PTPRC: variants seen among roughly 807,000 people sequenced by gnomAD.
PTPRC encodes the protein receptor-type tyrosine-protein phosphatase C.
A neutral mutation model predicts 155.9 loss-of-function variants in PTPRC; 44 were observed. The ratio of observed to expected loss-of-function variants is 0.28; its 90% confidence interval spans 0.22 to 0.36. PTPRC has a LOEUF of 0.36. Among genes scored for constraint, PTPRC ranks in the 10% least tolerant of loss-of-function variants. PTPRC has a pLI of 1.00. For synonymous variants in PTPRC, 525 were observed against 533.1 expected (o/e 0.98, Z 0.21); for missense variants, 1,401 against 1,564.6 (o/e 0.90, Z 1.76).
At chr1:198,672,026 C>T (rs1056878613) in intron 2 of PTPRC, among the ~76,000 whole-genome samples, 1 of 152,186 alleles carries the variant, frequency 6.6e-6, no homozygotes, top group African/African-American at 2.4e-5. Flanking sequence ...GCAGTTCATG[C>T]CTTTCCATAT....
chr1:198,714,604 C>T (rs1395881383), intron 12 of PTPRC, among the ~76,000 whole-genome samples: 1 of 152,198 alleles, frequency 6.6e-6, no homozygotes, highest in Non-Finnish European at 1.5e-5. Context: ...TGCCCTGACA[C>T]TGCATAAAGG....
chr1:198,703,154 T>G (rs1666545382), intron 6 of PTPRC, 144 bp from the exon 7 acceptor site: 1 of 1,099,410 alleles, frequency 9.1e-7, no homozygotes, highest in African/African-American at 1.6e-5. Flanking sequence ...ACTTTATTAT[T>G]TTAAAAACAA....
In PTPRC at chr1:198,756,129, C is replaced by T; in HGVS notation, c.3869C>T (p.Pro1290Leu). Residue 1290 changes from proline (P) to leucine (L), a missense_variant, in exon 33 of 33, where the codon CCA (proline) becomes CTA (leucine). Physicochemically the swap from Pro to Leu is moderately conservative, Grantham distance 98. Transcript: ENST00000442510. ...GAACCCACGAGTGGCACTGAGGGGC[C>T]AGAACATTCTGTCAATGGTCCTGCA... ...GSEPTSGTEG[P>L]EHSVNGPASP... 6.2e-7 allele frequency: 1 copy of T among 1,613,292 alleles called. No homozygotes were observed. Among genetic ancestry groups the T allele is most frequent in the Admixed American group, 1.7e-5 (1 of 59,874 alleles).
intron 2 of PTPRC, among the ~76,000 whole-genome samples, chr1:198,649,301 A>G (rs1392080561): frequency 6.6e-6 from 1 of 151,880 alleles, no homozygotes; most frequent in East Asian, 1.9e-4. Context: ...TCTACTTTCC[A>G]ATGACCCATG....
At chr1:198,651,644 A>G (rs553096034) in intron 2 of PTPRC, among the ~76,000 whole-genome samples, 3 of 151,954 alleles carry the variant, frequency 2.0e-5, no homozygotes, top group Admixed American at 1.3e-4. Context: ...TTAACATTTT[A>G]TAAATGTTAT....
chr1:198,679,938 G>T, intron 2 of PTPRC: 1 of 614,700 alleles, frequency 1.6e-6, no homozygotes, highest in African/African-American at 1.9e-5. Context: ...TGCCCAGCTC[G>T]TCCACCGTCG....
upstream of PTPRC, chr1:198,638,965 C>T (rs1044681901): frequency 5.5e-6 from 2 of 366,794 alleles, no homozygotes; most frequent in Non-Finnish European, 1.0e-5. Context: ...ATTCTACTGA[C>T]TTAGAACAAC....
rs572926318 is a variant in PTPRC, at chr1:198,686,808, A to G, written c.74-5539A>G. ...AGATCTATTTGACTCCACTAAGAAT[A>G]TATTGTTGCTTTTAAGTAATACAGG... On this transcript the variant is annotated intron_variant, in intron 2 of 32. Transcript: ENST00000442510. 2.0e-5 allele frequency among the ~76,000 whole-genome samples: 3 copies of G among 152,338 alleles called. No individual in the cohort carries two copies. In the South Asian group the frequency reaches 6.2e-4, roughly 32 times the overall value.
At chr1:198,641,824 C>G (rs1015711389) in intron 2 of PTPRC, among the ~76,000 whole-genome samples, 5 of 151,936 alleles carry the variant, frequency 3.3e-5, no homozygotes, top group South Asian at 2.1e-4. Context: ...TGAGTCATAA[C>G]AGTTAAGACT....
At position 198,732,490 on chromosome 1, in the gene PTPRC, C is replaced by A; in HGVS notation, c.2076C>A (p.Asn692Lys). 1 of 1,610,692 alleles carries A rather than the reference C, an allele frequency of 6.2e-7. No homozygotes were observed. The highest frequency in any genetic ancestry group is 8.5e-7 in the Non-Finnish European group (1 of 1,177,876). ...CTTTTCCTTAAACAGATGATTATAA[C>A]CGTGTTGAACTCTCTGAGATAAACG... ...RYVDILPYDY[N>K]RVELSEINGD... The change falls in exon 20 of 33, where the codon AAC becomes AAA. Residue 692 changes from asparagine (N) to lysine (K), a missense_variant. Physicochemically the swap from Asn to Lys is moderately conservative, Grantham distance 94. Around this residue, in one of 3 missense-constraint regions of PTPRC, gnomAD observed 867 missense variants for 970.4 expected, o/e 0.89. Coordinates refer to ENST00000442510, the MANE Select transcript of PTPRC (RefSeq NM_002838.5).
chr1:198,716,657 A>C, intron 12 of PTPRC, 25 bp from the exon 13 acceptor site: 1 of 1,605,858 alleles, frequency 6.2e-7, no homozygotes, highest in Non-Finnish European at 8.5e-7. Flanking sequence ...ACGACTTACT[A>C]ATTTTTTTTC....
intron 2 of PTPRC, among the ~76,000 whole-genome samples, chr1:198,646,776 C>T (rs1020253946): frequency 3.3e-5 from 5 of 151,828 alleles, no homozygotes; most frequent in African/African-American, 9.7e-5. Flanking sequence ...CTCTTATTAG[C>T]TTTCACACTT....
intron 2 of PTPRC, among the ~76,000 whole-genome samples, chr1:198,668,631 A>C (rs1306995189): frequency 1.3e-5 from 2 of 152,224 alleles, no homozygotes; most frequent in Non-Finnish European, 2.9e-5. Context: ...GTAAATATAA[A>C]ATGGTGCTGA....
In PTPRC at chr1:198,756,679, A is replaced by G. The variant is rs1381787375; in HGVS notation, c.*498A>G. 1 of 162,210 alleles carries G rather than the reference A, an allele frequency of 6.2e-6. No individual in the cohort carries two copies. Among genetic ancestry groups the G allele is most frequent in the African/African-American group, 2.4e-5 (1 of 41,446 alleles). 10.0% of individuals were successfully genotyped at this position (162,210 alleles called of 1,614,324 possible). A position where few individuals can be genotyped will look rare whatever the true frequency, so the allele number is the denominator to read the frequency against. Reference sequence around the variant, plus strand: ...AAGATGTCCTCCTTGTTCTACTCATATATATCTATCTTATATAGTTTACTA... The same window carrying G: ...AAGATGTCCTCCTTGTTCTACTCATGTATATCTATCTTATATAGTTTACTA... On this transcript the variant is annotated 3_prime_UTR_variant, in exon 33 of 33. Transcript: ENST00000442510.
rs146416193 is a variant in PTPRC, at chr1:198,735,150, G to T, written c.2301G>T (p.Pro767=). 6.2e-7 allele frequency: 1 copy of T among 1,602,548 alleles called. No individual in the cohort carries two copies. Among genetic ancestry groups the T allele is most frequent in the Non-Finnish European group, 8.5e-7 (1 of 1,173,206 alleles). The part of the protein sequence containing the change: ...GNRNKCAEYW[P]SMEEGTRAFG... ...AGAACAAGTGTGCAGAATACTGGCCGTCAATGGAAGAGGGCACTCGGGCTT... is the reference window on the plus strand; with the variant it reads ...AGAACAAGTGTGCAGAATACTGGCCTTCAATGGAAGAGGGCACTCGGGCTT... Residue 767 remains proline, a synonymous_variant, in exon 23 of 33, where the codon CCG becomes CCT. Transcript: ENST00000442510.
rs775140397 is a variant in PTPRC at position 198,718,293 on chromosome 1, C to T, written c.1650C>T (p.Tyr550=). The stretch of plus-strand genomic sequence containing the variant: ...AAGATCTTCAATATTCAACAGACTA[C>T]ACTTTTAAGGTAAAAGTATGCTCTC... ...RVKDLQYSTD[Y]TFKAYFHNGD... is the part of the protein sequence containing the mutation. Residue 550 remains tyrosine (Y), a synonymous_variant, in exon 14 of 33, where the codon TAC becomes TAT. Coordinates refer to ENST00000442510, the MANE Select transcript of PTPRC (RefSeq NM_002838.5). 3.1e-6 allele frequency: 5 copies of T among 1,610,222 alleles called. No individual in the cohort carries two copies. The African/African-American group carries it at 5.3e-5, about 17-fold the overall frequency.
intron 3 of PTPRC, chr1:198,694,716 C>G (rs1453474504): frequency 1.0e-6 from 1 of 970,008 alleles, no homozygotes; most frequent in Non-Finnish European, 1.2e-6. Context: ...TCTCTCCTTC[C>G]TTCCTCCCTC....
At chr1:198,742,063 A>G in intron 24 of PTPRC, 37 bp downstream of exon 24, 1 of 1,607,834 alleles carries the variant, frequency 6.2e-7, no homozygotes, top group East Asian at 2.2e-5. Context: ...ACAACAACAA[A>G]AAAACTCCAA....
chr1:198,652,629 C>T (rs1170604563), intron 2 of PTPRC, among the ~76,000 whole-genome samples: 2 of 149,968 alleles, frequency 1.3e-5, no homozygotes, highest in Non-Finnish European at 3.0e-5. Flanking sequence ...AGCATTCCAT[C>T]TAGGTAAAAG....
Sources: gnomAD v4.1 joint callset for allele counts (sites outside exome capture counted in the v4.1 genomes callset) on GRCh38, gnomAD v4.1.1 for gene constraint, gnomAD v4.1.1 regional missense constraint, MANE v1.5 for transcripts, NCBI Gene and HGNC (gene_info 2026-07-23, HGNC 2026-07-21) for gene names.